Variants in TAF3 observed in about 807,000 individuals in gnomAD.
TAF3 encodes the protein TATA-box binding protein associated factor 3.
In TAF3, 7 loss-of-function variants were observed where a neutral mutation model predicts 80.6. That is an observed-to-expected ratio of 0.09 (90% CI 0.05 to 0.16). The LOEUF (loss-of-function observed/expected upper bound fraction) is 0.16, where lower values mean the gene tolerates loss of function less well. TAF3 is among the 10% of genes least tolerant of loss of function. The pLI is 1.00. For missense variants in TAF3, 921 were observed against 1,140.2 expected (o/e 0.81, Z 2.77); for synonymous variants, 444 against 446.1 (o/e 1.00, Z 0.06).
intron 2 of TAF3, among the ~76,000 whole-genome samples, chr10:7,843,413 G>T (rs1385173293): frequency 6.6e-6 from 1 of 152,098 alleles, no homozygotes; most frequent in Non-Finnish European, 1.5e-5. Context: ...CCAGCTTACA[G>T]TCATCTTTTA....
chr10:7,846,158 C>T (rs536989317), intron 2 of TAF3, among the ~76,000 whole-genome samples: 23 of 152,076 alleles, frequency 1.5e-4, no homozygotes, highest in African/African-American at 4.1e-4. Flanking sequence ...GGGGTTTCAC[C>T]GTGTTAGCCA....
At chr10:7,831,849 C>A (rs922295110) in intron 2 of TAF3, among the ~76,000 whole-genome samples, 1 of 151,510 alleles carries the variant, frequency 6.6e-6, no homozygotes, top group South Asian at 2.1e-4. Context: ...TCCAGGAAAC[C>A]CTGGTTTCTT....
At chr10:7,838,797 C>T (rs986973558) in intron 2 of TAF3, among the ~76,000 whole-genome samples, 2 of 152,064 alleles carry the variant, frequency 1.3e-5, no homozygotes, top group Admixed American at 1.3e-4. Context: ...GGCTGCCTCT[C>T]TCTTGGCCCT....
rs1832088790 is a variant in TAF3, at chr10:8,014,785, C to T, written c.*34C>T. 1 of 1,540,518 alleles carries T rather than the reference C, an allele frequency of 6.5e-7. No homozygotes were observed. The highest frequency in any genetic ancestry group is 8.8e-7 in the Non-Finnish European group (1 of 1,140,938). On this transcript the variant is annotated 3_prime_UTR_variant, in exon 7 of 7. Transcript: ENST00000344293. ...GAGGGGCTGGACCAAGCGGGGTCAG[C>T]CCGGGCTTCTTCCCTGGCGCCTCTG...
chr10:8,004,015 A>T (rs1374634471), intron 4 of TAF3, among the ~76,000 whole-genome samples: 1 of 152,164 alleles, frequency 6.6e-6, no homozygotes, highest in African/African-American at 2.4e-5. Context: ...ATGAATTACT[A>T]AATATTTTTA....
Position 7,965,113 on chromosome 10 carries a change from A to C in TAF3, c.1603A>C (p.Lys535Gln). Residue 535 changes from lysine to glutamine, a missense_variant, in exon 3 of 7, where the codon AAG becomes CAG. Around this residue, in one of 6 missense-constraint regions of TAF3, gnomAD observed 743 missense variants for 821.0 expected, o/e 0.90. Coordinates refer to ENST00000344293, the MANE Select transcript of TAF3 (RefSeq NM_031923.4). ...AAAGGAACTAAAGACTAAAATGAAA[A>C]AGAAAGAAAAGCAGAGAGATAGGGA... ...LKKELKTKMK[K>Q]KEKQRDRERE... 6.2e-7 allele frequency: 1 copy of C among 1,613,878 alleles called. No homozygotes were observed. The highest frequency in any genetic ancestry group is 8.5e-7 in the Non-Finnish European group (1 of 1,179,962).
At chr10:7,901,635 G>A (rs1837559621) in intron 2 of TAF3, among the ~76,000 whole-genome samples, 1 of 152,178 alleles carries the variant, frequency 6.6e-6, no homozygotes, top group African/African-American at 2.4e-5. Flanking sequence ...TCACTGTGAG[G>A]TGTGCATTGA....
chr10:7,882,679 A>G (rs772521859), intron 2 of TAF3, among the ~76,000 whole-genome samples: 27 of 152,226 alleles, frequency 1.8e-4, no homozygotes, highest in Admixed American at 3.3e-4. Context: ...GAAGGCAGTG[A>G]GCAGTAAGAT....
At chr10:7,963,812 A>G (rs1251523610) in intron 2 of TAF3, 108 bp from the exon 3 acceptor site, 8 of 1,183,986 alleles carry the variant, frequency 6.8e-6, no homozygotes, top group South Asian at 3.6e-5. Context: ...GTATAATAAT[A>G]AAAAAGAAAG....
chr10:7,898,046 G>A (rs902213468), intron 2 of TAF3, among the ~76,000 whole-genome samples: 1 of 151,758 alleles, frequency 6.6e-6, no homozygotes, highest in African/African-American at 2.4e-5. Context: ...TTTTTATTAT[G>A]TCTTTGCCTT....
At position 8,009,377 on chromosome 10, in the gene TAF3, C is replaced by A; in HGVS notation, c.2568+47C>A. On this transcript the variant is annotated intron_variant, in intron 5 of 6. Coordinates refer to ENST00000344293, the MANE Select transcript of TAF3 (RefSeq NM_031923.4). This position sits in a 1 kb window ranked among gnomAD's most constrained non-coding sequence, Gnocchi z 4.1. ...GGTTAGCATGGAGACGTTTTCAGAT[C>A]GAGACAAGTGTGTGCTCTGAATCAC... 2 of 1,555,916 alleles carry A rather than the reference C, an allele frequency of 1.3e-6. No individual in the cohort carries two copies. Among genetic ancestry groups the A allele is most frequent in the South Asian group, 1.1e-5 (1 of 87,966 alleles).
chr10:7,843,712 G>A (rs1481101027), intron 2 of TAF3, among the ~76,000 whole-genome samples: 1 of 134,596 alleles, frequency 7.4e-6, no homozygotes, highest in African/African-American at 2.8e-5. Context: ...TTGATATTTT[G>A]TGCTTATGTC....
At chr10:7,902,135 C>T (rs1181518603) in intron 2 of TAF3, among the ~76,000 whole-genome samples, 1 of 152,140 alleles carries the variant, frequency 6.6e-6, no homozygotes, top group Non-Finnish European at 1.5e-5. Flanking sequence ...ATTGATGTAA[C>T]ATCACTGTCC....
intron 2 of TAF3, among the ~76,000 whole-genome samples, chr10:7,951,373 T>C (rs1407574771): frequency 2.6e-5 from 4 of 152,186 alleles, no homozygotes; most frequent in African/African-American, 9.6e-5. Context: ...ACATTTACTG[T>C]TGGCTGGTGG....
chr10:7,984,867 C>G (rs1048435432), intron 4 of TAF3, among the ~76,000 whole-genome samples: 2 of 152,144 alleles, frequency 1.3e-5, no homozygotes, highest in South Asian at 2.1e-4. Flanking sequence ...ATAATTTCTC[C>G]TAAAGATCAA....
intron 4 of TAF3, among the ~76,000 whole-genome samples, chr10:7,989,802 A>G (rs1009685840): frequency 6.6e-5 from 10 of 152,200 alleles, no homozygotes; most frequent in African/African-American, 2.2e-4. Context: ...ATTGTTAGTT[A>G]GGTAAAAATG....
At chr10:7,830,094 C>T (rs981387905) in intron 2 of TAF3, among the ~76,000 whole-genome samples, 6 of 152,030 alleles carry the variant, frequency 3.9e-5, no homozygotes, top group African/African-American at 9.7e-5. Context: ...TGCATCTTCC[C>T]GTGTGACCTT....
chr10:7,895,494 A>G (rs1278747579), intron 2 of TAF3, among the ~76,000 whole-genome samples: 4 of 152,186 alleles, frequency 2.6e-5, no homozygotes, highest in African/African-American at 7.2e-5. Flanking sequence ...TCTTACTGAC[A>G]TCATGGTCCT....
chr10:7,877,747 A>T (rs527441882), intron 2 of TAF3, among the ~76,000 whole-genome samples: 1 of 152,312 alleles, frequency 6.6e-6, no homozygotes, highest in African/African-American at 2.4e-5. Context: ...CTTGGCCAAG[A>T]TCTTAAAAGC....
Sources: allele counts gnomAD v4.1 joint callset (sites outside exome capture counted in the v4.1 genomes callset), GRCh38; gene constraint gnomAD v4.1.1; regional missense constraint gnomAD v4.1.1; non-coding constraint Gnocchi (gnomAD v3.1); transcripts MANE v1.5; gene names NCBI Gene and HGNC (gene_info 2026-07-23, HGNC 2026-07-21).